The following CEP85L variants were observed in gnomAD, a reference collection of about 807,000 sequenced individuals.
CEP85L encodes the protein centrosomal protein of 85 kDa-like.
A neutral mutation model predicts 100.3 loss-of-function variants in CEP85L; 60 were observed. That is an observed-to-expected ratio of 0.60 (90% CI 0.49 to 0.74). The LOEUF (loss-of-function observed/expected upper bound fraction) is 0.74. CEP85L is among the 30% of genes least tolerant of loss of function. CEP85L has a pLI of 0.00. For missense variants in CEP85L, 973 were observed against 936.2 expected, an observed-to-expected ratio of 1.04 and a Z score of -0.51; for synonymous variants, 319 against 322.7, an observed-to-expected ratio of 0.99 and a Z score of 0.12.
chr6:118,636,649 G>A (rs1774511885), intron 1 of CEP85L, among the ~76,000 whole-genome samples: 1 of 152,206 alleles, frequency 6.6e-6, no homozygotes, highest in Non-Finnish European at 1.5e-5. Flanking sequence ...TGAACCAGCT[G>A]AAGGCCTGAA....
Position 118,464,240 on chromosome 6 carries a change from G to C in CEP85L, c.*1165C>G, listed in dbSNP as rs1474463449. The C allele has an allele frequency of 6.6e-6, 1 of 152,174 alleles. No individual in the cohort carries two copies. Among genetic ancestry groups the C allele is most frequent in the South Asian group, 2.1e-4 (1 of 4,832 alleles). The allele number at this position is 152,174 out of a possible 1,614,324, so 9.4% of individuals were successfully genotyped here. On this transcript the variant is annotated 3_prime_UTR_variant, in exon 13 of 13. Transcript: ENST00000368491. Reference sequence around the variant, plus strand: ...CACTCATTTGGAAGTTTAAATGACTGTACGTCTACTGCAAAATCAACTGCA... The same window carrying C: ...CACTCATTTGGAAGTTTAAATGACTCTACGTCTACTGCAAAATCAACTGCA...
chr6:118,499,896 CAA>C lies in CEP85L; in HGVS notation c.1258-8033_1258-8032del, dbSNP rs921712682. On this transcript the variant is annotated intron_variant, in intron 5 of 12. Transcript: ENST00000368491. Reference sequence around the variant, plus strand: ...GGAAGTGCTAACTAATGCAATAAGACAAAAAGAGTACATAAAAGGTATACTGA... The same window carrying C: ...GGAAGTGCTAACTAATGCAATAAGACAAAGAGTACATAAAAGGTATACTGA... Among the ~76,000 whole-genome samples the C allele has an allele frequency of 1.5e-4, 23 of 151,732 alleles. No individual in the cohort carries two copies. In the East Asian group the frequency reaches 1.9e-3, roughly 13 times the overall value.
At chr6:118,671,846 G>A (rs1196367254) in intron 1 of CEP85L, among the ~76,000 whole-genome samples, 2 of 152,122 alleles carry the variant, frequency 1.3e-5, no homozygotes, top group East Asian at 3.9e-4. Context: ...GCTGAAGCAC[G>A]ATAATTGCTT....
At chr6:118,661,495 A>G (rs1775972238) in intron 1 of CEP85L, among the ~76,000 whole-genome samples, 1 of 151,856 alleles carries the variant, frequency 6.6e-6, no homozygotes, top group Non-Finnish European at 1.5e-5. Context: ...TAAAATTTTA[A>G]TTGTGCTCCA....
intron 3 of CEP85L, 66 bp from the exon 4 acceptor site, chr6:118,523,986 TA>T: frequency 3.2e-6 from 2 of 619,718 alleles, no homozygotes; most frequent in Non-Finnish European, 5.1e-6. Context: ...TATATTATCA[TA>T]TTTTCCCAAA....
chr6:118,615,708 G>A (rs1323738278), intron 2 of CEP85L, among the ~76,000 whole-genome samples: 4 of 152,210 alleles, frequency 2.6e-5, no homozygotes, highest in Non-Finnish European at 4.4e-5. Flanking sequence ...GAGGGCTGCA[G>A]ACGGAGGTCA....
At chr6:118,601,833 C>T (rs570340626) in intron 2 of CEP85L, among the ~76,000 whole-genome samples, 6 of 152,250 alleles carry the variant, frequency 3.9e-5, no homozygotes, top group Admixed American at 1.3e-4. Flanking sequence ...TAAATCTCGT[C>T]GCCATTTTGG....
intron 6 of CEP85L, among the ~76,000 whole-genome samples, chr6:118,490,011 A>G (rs1774451193): frequency 6.6e-6 from 1 of 152,054 alleles, no homozygotes; most frequent in South Asian, 2.1e-4. Context: ...ACACACACAC[A>G]AAATGGAATA....
Position 118,540,006 on chromosome 6 carries a change from T to C in CEP85L, c.1021-16086A>G, listed in dbSNP as rs139424328. 2.0e-3 allele frequency among the ~76,000 whole-genome samples: 304 copies of C among 152,070 alleles called. 3 individuals are homozygous for C. Among genetic ancestry groups the C allele is most frequent in the African/African-American group, 6.9e-3 (288 of 41,484 alleles). Reference sequence around the variant, plus strand: ...TGGAGTTCAGACAGCTCCCTGTATATGTATAGGTCATAAAACAGGAACAAG... The same window carrying C: ...TGGAGTTCAGACAGCTCCCTGTATACGTATAGGTCATAAAACAGGAACAAG... On this transcript the variant is annotated intron_variant, in intron 3 of 12. Coordinates refer to ENST00000368491, the MANE Select transcript of CEP85L (RefSeq NM_001042475.3).
chr6:118,606,081 G>A (rs924300873), intron 2 of CEP85L, among the ~76,000 whole-genome samples: 1 of 147,512 alleles, frequency 6.8e-6, no homozygotes, highest in African/African-American at 2.5e-5. Context: ...CGACTGAAAA[G>A]AAAAAACCTT....
At chr6:118,541,787 C>T (rs1777913063) in intron 3 of CEP85L, among the ~76,000 whole-genome samples, 1 of 152,120 alleles carries the variant, frequency 6.6e-6, no homozygotes, top group South Asian at 2.1e-4. Flanking sequence ...AGTGCAATTT[C>T]TTTAGTTGCT....
chr6:118,524,636 C>G (rs1161532489), intron 3 of CEP85L, among the ~76,000 whole-genome samples: 4 of 152,192 alleles, frequency 2.6e-5, no homozygotes, highest in African/African-American at 9.7e-5. Flanking sequence ...CTGTAGTATT[C>G]AGACTTCAAG....
chr6:118,461,531 G>T lies in CEP85L; in HGVS notation c.*3874C>A, dbSNP rs1772231595. On this transcript the variant is annotated 3_prime_UTR_variant, in exon 13 of 13. Transcript: ENST00000368491. ...TACTGCAGGCAAAAAGGCACAAAAG[G>T]TTCTCTCTGTGTACAGCTGCAATAG... The T allele has an allele frequency of 6.6e-6, 1 of 151,850 alleles. No individual in the cohort carries two copies. Among genetic ancestry groups the T allele is most frequent in the Non-Finnish European group, 1.5e-5 (1 of 67,912 alleles). The allele number at this position is 151,850 out of a possible 1,614,324, so 9.4% of individuals were successfully genotyped here.
At chr6:118,507,921 G>T (rs1775753307) in intron 5 of CEP85L, among the ~76,000 whole-genome samples, 1 of 152,136 alleles carries the variant, frequency 6.6e-6, no homozygotes, top group African/African-American at 2.4e-5. Flanking sequence ...TCTTGTCTGT[G>T]TTCTCCATTA....
At chr6:118,502,231 C>A in intron 5 of CEP85L, 1 of 648,118 alleles carries the variant, frequency 1.5e-6, no homozygotes. Context: ...TTCTTATGTA[C>A]CGCATTATGA....
intron 5 of CEP85L, among the ~76,000 whole-genome samples, chr6:118,499,434 G>A (rs1180806236): frequency 6.6e-6 from 1 of 152,170 alleles, no homozygotes; most frequent in Non-Finnish European, 1.5e-5. Context: ...GGGAGGCTGA[G>A]GCGGGTGGAT....
At chr6:118,646,319 G>C (rs922529025) in intron 1 of CEP85L, among the ~76,000 whole-genome samples, 2 of 77,908 alleles carry the variant, frequency 2.6e-5, no homozygotes, top group Admixed American at 1.5e-4. Flanking sequence ...ATATTACTTT[G>C]CCAGTGTAAA....
At chr6:118,684,512 AAAAG>A (rs1169177374) in intron 1 of CEP85L, among the ~76,000 whole-genome samples, 1 of 152,194 alleles carries the variant, frequency 6.6e-6, no homozygotes, top group African/African-American at 2.4e-5. Context: ...CTGTTTCTAA[AAAAG>A]AAAGAAAGAA....
chr6:118,669,550 T>C (rs980949691), intron 1 of CEP85L, among the ~76,000 whole-genome samples: 1 of 152,150 alleles, frequency 6.6e-6, no homozygotes, highest in Admixed American at 6.5e-5. Flanking sequence ...TACCTACTTT[T>C]AAATAACCAC....
Sources: allele counts gnomAD v4.1 joint callset (sites outside exome capture counted in the v4.1 genomes callset), GRCh38; gene constraint gnomAD v4.1.1; transcripts MANE v1.5; gene names NCBI Gene and HGNC (gene_info 2026-07-23, HGNC 2026-07-21).